The following CAMTA1 variants were observed in gnomAD, a reference collection of about 807,000 sequenced individuals.
The protein encoded by CAMTA1 is calmodulin-binding transcription activator 1.
In CAMTA1, 27 loss-of-function variants were observed where a neutral mutation model predicts 170.9. The ratio of observed to expected loss-of-function variants is 0.16; its 90% confidence interval spans 0.12 to 0.22. CAMTA1 has a LOEUF of 0.22. Among genes scored for constraint, CAMTA1 ranks in the 10% least tolerant of loss-of-function variants. The pLI is 1.00. For missense variants in CAMTA1, 1,619 were observed against 2,217.2 expected (o/e 0.73, Z 5.42); for synonymous variants, 833 against 891.5 (o/e 0.93, Z 1.17).
chr1:7,765,983 T>C (rs888523369), intron 22 of CAMTA1, among the ~76,000 whole-genome samples: 7 of 145,926 alleles, frequency 4.8e-5, no homozygotes, highest in African/African-American at 1.5e-4. Context: ...GCCGAGATGG[T>C]GCCACTGCAC....
intron 6 of CAMTA1, among the ~76,000 whole-genome samples, chr1:7,627,479 G>A (rs555348627): frequency 1.8e-4 from 27 of 152,352 alleles, no homozygotes; most frequent in African/African-American, 6.5e-4. Flanking sequence ...GGTTTCCCAT[G>A]CCTCGGGCAC....
chr1:6,995,171 C>T (rs1697002708), intron 3 of CAMTA1, among the ~76,000 whole-genome samples: 1 of 150,744 alleles, frequency 6.6e-6, no homozygotes, highest in South Asian at 2.1e-4. Context: ...CTTTTTTTTT[C>T]CAGATAGATC....
At chr1:7,079,512 A>G (rs1639738921) in intron 3 of CAMTA1, among the ~76,000 whole-genome samples, 1 of 152,082 alleles carries the variant, frequency 6.6e-6, no homozygotes, top group South Asian at 2.1e-4. Context: ...TCACTCTGTC[A>G]TCCAGGCTGG....
intron 5 of CAMTA1, among the ~76,000 whole-genome samples, chr1:7,304,764 T>C (rs933778429): frequency 2.0e-5 from 3 of 151,952 alleles, no homozygotes; most frequent in Admixed American, 2.0e-4. Flanking sequence ...TCTTTATATA[T>C]TACAGAAATT....
At chr1:6,893,919 T>C (rs1452170664) in intron 3 of CAMTA1, among the ~76,000 whole-genome samples, 1 of 152,224 alleles carries the variant, frequency 6.6e-6, no homozygotes, top group Non-Finnish European at 1.5e-5. Context: ...AAATATTTAC[T>C]CCAATGATTA....
intron 4 of CAMTA1, among the ~76,000 whole-genome samples, chr1:7,140,734 A>G (rs1326857475): frequency 1.3e-5 from 2 of 152,224 alleles, no homozygotes; most frequent in African/African-American, 4.8e-5. Context: ...ACTGTAACAA[A>G]GCTTTAATAT....
At chr1:7,015,114 G>A (rs555084068) in intron 3 of CAMTA1, among the ~76,000 whole-genome samples, 25 of 152,224 alleles carry the variant, frequency 1.6e-4, no homozygotes, top group Middle Eastern at 3.4e-3. Context: ...CTGGATGGAC[G>A]GATGTCTTGG....
At chr1:7,377,042 A>G (rs1022517740) in intron 5 of CAMTA1, among the ~76,000 whole-genome samples, 2 of 152,192 alleles carry the variant, frequency 1.3e-5, no homozygotes, top group Non-Finnish European at 2.9e-5. Flanking sequence ...GCTCCACTCT[A>G]CATTAATTTA....
intron 22 of CAMTA1, among the ~76,000 whole-genome samples, chr1:7,763,570 T>C (rs774448289): frequency 1.7e-4 from 26 of 152,236 alleles, no homozygotes; most frequent in Non-Finnish European, 2.8e-4. Context: ...ACTTTTTAAT[T>C]AGTTCTGAAA....
intron 6 of CAMTA1, among the ~76,000 whole-genome samples, chr1:7,639,124 G>A (rs1009583217): frequency 2.6e-5 from 4 of 151,882 alleles, no homozygotes; most frequent in African/African-American, 7.3e-5. Flanking sequence ...GACTACAGGC[G>A]CCCGCCACCA....
chr1:7,688,608 G>T (rs1105720), intron 11 of CAMTA1, among the ~76,000 whole-genome samples: 73,905 of 152,084 alleles, frequency 0.49, 18,154 homozygotes, highest in East Asian at 0.65. Context: ...TGGGGGCTAG[G>T]GCAGCCTCTG....
intron 6 of CAMTA1, among the ~76,000 whole-genome samples, chr1:7,488,629 A>G (rs2093653940): frequency 6.6e-6 from 1 of 151,510 alleles, no homozygotes; most frequent in Non-Finnish European, 1.5e-5. Flanking sequence ...CACATACAAT[A>G]TACATATACA....
intron 5 of CAMTA1, among the ~76,000 whole-genome samples, chr1:7,298,514 G>A (rs1432281204): frequency 6.6e-6 from 1 of 152,118 alleles, no homozygotes; most frequent in Non-Finnish European, 1.5e-5. Flanking sequence ...TTCTGGGACT[G>A]TCTACACAAG....
chr1:7,310,600 T>TTTTCTTTCTTTCTTTCTTTCTTTC (rs372673213), intron 5 of CAMTA1, among the ~76,000 whole-genome samples: 1 of 54,550 alleles, frequency 1.8e-5, no homozygotes, highest in African/African-American at 1.1e-4. Context: ...TTTTCTTTTC[T>TTTTCTTTCTTTCTTTCTTTCTTTC]TTTCTTTCTT....
chr1:6,915,149 T>C (rs1477395236), intron 3 of CAMTA1, among the ~76,000 whole-genome samples: 1 of 152,198 alleles, frequency 6.6e-6, no homozygotes, highest in Non-Finnish European at 1.5e-5. Context: ...AATGGAAGCT[T>C]TTAAAATCCA....
intron 3 of CAMTA1, chr1:6,888,243 C>A: frequency 2.0e-6 from 2 of 986,070 alleles, no homozygotes; most frequent in Non-Finnish European, 2.4e-6. Flanking sequence ...AATGTTTTTC[C>A]TTTAACTTGC....
intron 3 of CAMTA1, among the ~76,000 whole-genome samples, chr1:6,865,938 G>T (rs1666434664): frequency 6.6e-6 from 1 of 152,178 alleles, no homozygotes; most frequent in Non-Finnish European, 1.5e-5. Context: ...CTTTAAAGTT[G>T]TAAAGACTTT....
chr1:7,751,138 G>A (rs989370070), intron 19 of CAMTA1, 61 bp from the exon 20 acceptor site: 48 of 1,327,318 alleles, frequency 3.6e-5, no homozygotes, highest in Non-Finnish European at 4.7e-5. Context: ...TAAGCTCGAA[G>A]GACGCTGAGC....
chr1:7,691,710 G>A (rs1244446093), intron 11 of CAMTA1, among the ~76,000 whole-genome samples: 1 of 152,154 alleles, frequency 6.6e-6, no homozygotes, highest in African/African-American at 2.4e-5. Context: ...GCAGGTGGGT[G>A]TAGCCCCAGA....
Sources: allele counts gnomAD v4.1 joint callset (sites outside exome capture counted in the v4.1 genomes callset), GRCh38; gene constraint gnomAD v4.1.1; transcripts MANE v1.5; gene names NCBI Gene and HGNC (gene_info 2026-07-23, HGNC 2026-07-21).